The following TMPRSS15 variants were observed in gnomAD, a reference collection of about 807,000 sequenced individuals.
TMPRSS15 encodes the protein transmembrane serine protease 15.
In TMPRSS15, 128 loss-of-function variants were observed where a neutral mutation model predicts 125.3. That is an observed-to-expected ratio of 1.02 (90% confidence interval 0.89 to 1.18). The LOEUF (loss-of-function observed/expected upper bound fraction) is 1.18, where lower values mean the gene tolerates loss of function less well. Ranked by LOEUF, TMPRSS15 falls within the 50% of genes most tolerant of loss-of-function variation. The pLI is 0.00. For synonymous variants in TMPRSS15, 446 were observed against 423.2 expected (o/e 1.05, Z -0.66); for missense variants, 1,283 against 1,212.7 (o/e 1.06, Z -0.86).
At chr21:18,331,482 T>C (rs147382959) in intron 14 of TMPRSS15, among the ~76,000 whole-genome samples, 6 of 152,344 alleles carry the variant, frequency 3.9e-5, no homozygotes, top group African/African-American at 1.4e-4. Context: ...GGAACATTGA[T>C]GTAGAGGTAG....
At chr21:18,290,747 T>C (rs2074823822) in intron 21 of TMPRSS15, among the ~76,000 whole-genome samples, 2 of 152,170 alleles carry the variant, frequency 1.3e-5, no homozygotes, top group Non-Finnish European at 2.9e-5. Context: ...TGATTTGCTG[T>C]GATTCTGTAG....
At chr21:18,388,738 C>T (rs1412164988) in intron 3 of TMPRSS15, among the ~76,000 whole-genome samples, 3 of 152,152 alleles carry the variant, frequency 2.0e-5, no homozygotes, top group Admixed American at 6.5e-5. Context: ...TTCACCACAA[C>T]GTAGACAAAT....
intron 6 of TMPRSS15, among the ~76,000 whole-genome samples, chr21:18,370,880 A>G (rs969784634): frequency 3.3e-5 from 5 of 152,178 alleles, no homozygotes; most frequent in African/African-American, 1.2e-4. Context: ...ATTACTATCA[A>G]GCAAGATGAG....
At chr21:18,306,310 G>A (rs572892813) in intron 18 of TMPRSS15, among the ~76,000 whole-genome samples, 9 of 152,224 alleles carry the variant, frequency 5.9e-5, no homozygotes, top group Non-Finnish European at 7.4e-5. Flanking sequence ...CCAGTGTTCC[G>A]GAACTCAGTG....
At chr21:18,360,295 A>T (rs2075667865) in intron 7 of TMPRSS15, among the ~76,000 whole-genome samples, 1 of 152,074 alleles carries the variant, frequency 6.6e-6, no homozygotes, top group South Asian at 2.1e-4. Context: ...ACTGAGTAAT[A>T]TTCATATATA....
intron 1 of TMPRSS15, among the ~76,000 whole-genome samples, chr21:18,449,387 G>C (rs2076262614): frequency 6.6e-6 from 1 of 152,014 alleles, no homozygotes; most frequent in Admixed American, 6.6e-5. Context: ...TGTGTCTTCT[G>C]ACTTCAGAAC....
intron 3 of TMPRSS15, among the ~76,000 whole-genome samples, chr21:18,387,797 T>C (rs891121294): frequency 3.3e-5 from 5 of 152,102 alleles, no homozygotes; most frequent in African/African-American, 9.7e-5. Context: ...GTGAGTTTAA[T>C]TAAAATCTAT....
chr21:18,418,438 C>A (rs2076185078), intron 1 of TMPRSS15, among the ~76,000 whole-genome samples: 1 of 152,126 alleles, frequency 6.6e-6, no homozygotes. Context: ...CGACAGTGGC[C>A]ATATCTGTGT....
At chr21:18,414,837 C>A (rs1463521125) in intron 1 of TMPRSS15, among the ~76,000 whole-genome samples, 1 of 152,126 alleles carries the variant, frequency 6.6e-6, no homozygotes, top group East Asian at 1.9e-4. Context: ...ATGCAGATAT[C>A]TCTTTGTGAC....
At chr21:18,284,106 T>C (rs2146878232) in intron 21 of TMPRSS15, among the ~76,000 whole-genome samples, 1 of 152,354 alleles carries the variant, frequency 6.6e-6, no homozygotes, top group Admixed American at 6.5e-5. Context: ...TTTTTATTAC[T>C]TCAGTATCTA....
At chr21:18,443,120 T>A (rs2824834) in intron 1 of TMPRSS15, among the ~76,000 whole-genome samples, 13,897 of 152,036 alleles carry the variant, frequency 0.091, 776 homozygotes, top group African/African-American at 0.15. Context: ...CTAGCCCCGA[T>A]TAAATAGTGC....
At chr21:18,435,476 G>A (rs1056407255) in intron 1 of TMPRSS15, among the ~76,000 whole-genome samples, 1 of 152,156 alleles carries the variant, frequency 6.6e-6, no homozygotes, top group African/African-American at 2.4e-5. Context: ...TCCCAGGGAT[G>A]AAGCCCACTT....
rs1433563833 is a variant in TMPRSS15 at position 18,365,237 on chromosome 21, C to T, written c.676G>A (p.Asp226Asn). Residue 226 changes from aspartate to asparagine, a missense_variant, in exon 7 of 25, where the codon GAT (aspartate) becomes AAT (asparagine). Coordinates refer to ENST00000284885, the MANE Select transcript of TMPRSS15 (RefSeq NM_002772.3). ...EDNKMCATVC[D>N]GRFLLTGSSG... The stretch of plus-strand genomic sequence containing the variant: ...GATCCAGTTAACAAAAATCTTCCAT[C>T]ACAAACTGTGGCTGCAAAACGATGC... 1 of 1,613,966 alleles carries T rather than the reference C, an allele frequency of 6.2e-7. No individual in the cohort carries two copies. The highest frequency in any genetic ancestry group is 1.7e-5 in the Admixed American group (1 of 60,012).
chr21:18,322,381 A>G (rs954063964), intron 16 of TMPRSS15, among the ~76,000 whole-genome samples: 1 of 152,230 alleles, frequency 6.6e-6, no homozygotes, highest in Non-Finnish European at 1.5e-5. Context: ...CTGGATATTT[A>G]TCCAAAAGAA....
chr21:18,438,987 GCT>G (rs1300795417), intron 1 of TMPRSS15, among the ~76,000 whole-genome samples: 1 of 152,006 alleles, frequency 6.6e-6, no homozygotes, highest in Non-Finnish European at 1.5e-5. Flanking sequence ...ATTAATCAGG[GCT>G]CTGAATTCTT....
rs188254103 is a variant in TMPRSS15, at chr21:18,419,287, G to A, written c.11-20958C>T. Among the ~76,000 whole-genome samples the A allele has an allele frequency of 1.7e-3, 233 of 140,522 alleles. 2 individuals carry two copies. Among genetic ancestry groups the A allele is most frequent in the African/African-American group, 5.8e-3 (220 of 37,652 alleles). The allele number at this position is 140,522 out of a possible 152,430, so 92.2% of individuals were successfully genotyped here. A position where few individuals can be genotyped will look rare whatever the true frequency, so the allele number is the denominator to read the frequency against. ...GTTACCCAGGCTGGAGTGCAGTGGT[G>A]CTATCTCTGCTCACTGCAAGCTCGG... On this transcript the variant is annotated intron_variant, in intron 1 of 7. Coordinates refer to the TMPRSS15 transcript ENST00000422787.
chr21:18,388,019 A>C (rs1462327902), intron 3 of TMPRSS15, among the ~76,000 whole-genome samples: 2 of 152,080 alleles, frequency 1.3e-5, no homozygotes, highest in African/African-American at 4.8e-5. Flanking sequence ...AGTAATCCTA[A>C]GTGTTTCATT....
At chr21:18,443,353 C>T (rs1390048663) in intron 1 of TMPRSS15, among the ~76,000 whole-genome samples, 1 of 152,086 alleles carries the variant, frequency 6.6e-6, no homozygotes, top group African/African-American at 2.4e-5. Flanking sequence ...CTGGCACCAG[C>T]CTGTCTGGGT....
upstream of TMPRSS15, among the ~76,000 whole-genome samples, chr21:18,407,302 C>T (rs1360437765): frequency 1.3e-5 from 2 of 151,622 alleles, no homozygotes; most frequent in Admixed American, 6.6e-5. Flanking sequence ...TAATATTCTG[C>T]ATTTTTAAAA....
Sources: gnomAD v4.1 joint callset for allele counts (sites outside exome capture counted in the v4.1 genomes callset) on GRCh38, gnomAD v4.1.1 for gene constraint, MANE v1.5 for transcripts, NCBI Gene and HGNC (gene_info 2026-07-23, HGNC 2026-07-21) for gene names.